UNC5C: variants seen among roughly 807,000 people sequenced by gnomAD.
UNC5C encodes the protein netrin receptor UNC5C.
In UNC5C, 47 loss-of-function variants were observed where a neutral mutation model predicts 99.8. The observed-to-expected ratio is 0.47, with a 90% CI of 0.37 to 0.60. The LOEUF (loss-of-function observed/expected upper bound fraction) is 0.60, where lower values mean the gene tolerates loss of function less well. Among genes scored for constraint, UNC5C ranks in the 20% least tolerant of loss-of-function variants. The pLI, the probability that UNC5C is intolerant of heterozygous loss-of-function variation, is 0.00. For synonymous variants in UNC5C, 487 were observed against 452.2 expected (o/e 1.08, Z -0.98); for missense variants, 1,062 against 1,165.9 (o/e 0.91, Z 1.30).
chr4:95,382,958 G>A (rs1745112799), intron 1 of UNC5C, among the ~76,000 whole-genome samples: 2 of 152,118 alleles, frequency 1.3e-5, no homozygotes, highest in Non-Finnish European at 2.9e-5. Context: ...TGGTTTTGGG[G>A]TATCAAAATC....
At position 95,263,681 on chromosome 4, in the gene UNC5C, C is replaced by T. The variant is rs1470815460; in HGVS notation, c.595-13014G>A. ...CATTCACTGAGTCTATGCTCTTCAG[C>T]AAGTCACATAAAATCACTCAACCTT... On this transcript the variant is annotated intron_variant, in intron 4 of 15. Transcript: ENST00000453304. Among the ~76,000 whole-genome samples the T allele has an allele frequency of 4.0e-4, 61 of 152,196 alleles. 1 individual carries two copies. Among genetic ancestry groups the T allele is most frequent in the Admixed American group, 3.9e-3 (59 of 15,278 alleles).
intron 1 of UNC5C, among the ~76,000 whole-genome samples, chr4:95,396,167 G>C (rs180763437): frequency 6.6e-6 from 1 of 152,308 alleles, no homozygotes; most frequent in African/African-American, 2.4e-5. Context: ...CAGGGGAAGA[G>C]AGAGATTCTG....
intron 12 of UNC5C, among the ~76,000 whole-genome samples, chr4:95,201,418 T>G (rs1004963205): frequency 2.6e-5 from 4 of 152,156 alleles, no homozygotes; most frequent in African/African-American, 9.7e-5. Context: ...GACTCACCTT[T>G]TCACTGAAGT....
At chr4:95,484,457 T>G (rs1403641333) in intron 1 of UNC5C, among the ~76,000 whole-genome samples, 1 of 151,742 alleles carries the variant, frequency 6.6e-6, no homozygotes, top group East Asian at 2.0e-4. Flanking sequence ...ACTGTGTAGA[T>G]GGGGTTGAGG....
chr4:95,548,892 G>T lies in UNC5C; in HGVS notation c.-35C>A, dbSNP rs1387997929. ...AGGTGTGCCGGGGGGAGGGGAGGGG[G>T]ACAGAGAGACGCGCAAACAGCTGAA... is the stretch of plus-strand genomic sequence containing the variant. On this transcript the variant is annotated 5_prime_UTR_variant, in exon 1 of 16. Coordinates refer to ENST00000453304, the MANE Select transcript of UNC5C (RefSeq NM_003728.4). The T allele has an allele frequency of 1.2e-6, 2 of 1,608,928 alleles. No homozygotes were observed. Among genetic ancestry groups the T allele is most frequent in the Admixed American group, 1.7e-5 (1 of 59,906 alleles).
At chr4:95,365,582 A>G (rs1744534753) in intron 1 of UNC5C, among the ~76,000 whole-genome samples, 1 of 151,928 alleles carries the variant, frequency 6.6e-6, no homozygotes, top group Admixed American at 6.6e-5. Flanking sequence ...ATATTTCATA[A>G]TGTTATTTCT....
intron 7 of UNC5C, among the ~76,000 whole-genome samples, chr4:95,238,926 TTC>T (rs1233799923): frequency 2.0e-5 from 3 of 152,194 alleles, no homozygotes; most frequent in Non-Finnish European, 4.4e-5. Flanking sequence ...TTTAACAATA[TTC>T]TGTTATTTCA....
chr4:95,472,929 G>C (rs1203499054), intron 1 of UNC5C, among the ~76,000 whole-genome samples: 1 of 151,334 alleles, frequency 6.6e-6, no homozygotes, highest in Non-Finnish European at 1.5e-5. Context: ...ATGTGTTCCT[G>C]TTCAACAAAG....
chr4:95,349,830 C>A (rs1743922061), intron 1 of UNC5C, among the ~76,000 whole-genome samples: 1 of 152,080 alleles, frequency 6.6e-6, no homozygotes, highest in Admixed American at 6.6e-5. Context: ...GCCCTAACGT[C>A]CTCATGTCTG....
chr4:95,420,502 A>G (rs1393738422), intron 1 of UNC5C, among the ~76,000 whole-genome samples: 1 of 152,304 alleles, frequency 6.6e-6, no homozygotes, highest in East Asian at 1.9e-4. Context: ...ACCTTATGCA[A>G]CTATGTTTTA....
intron 1 of UNC5C, among the ~76,000 whole-genome samples, chr4:95,509,009 A>C (rs1466935693): frequency 6.6e-6 from 1 of 151,906 alleles, no homozygotes; most frequent in Admixed American, 6.6e-5. Flanking sequence ...GCATTCCTAC[A>C]TAATGCTGAA....
intron 1 of UNC5C, among the ~76,000 whole-genome samples, chr4:95,392,785 C>T (rs1745399704): frequency 6.6e-6 from 1 of 151,914 alleles, no homozygotes; most frequent in African/African-American, 2.4e-5. Flanking sequence ...AATCTTATCA[C>T]TACAAAGTAT....
chr4:95,415,362 AAC>A (rs919733737), intron 1 of UNC5C, among the ~76,000 whole-genome samples: 26 of 152,186 alleles, frequency 1.7e-4, no homozygotes, highest in African/African-American at 5.5e-4. Context: ...TTAAAAAAAA[AAC>A]AAAACAAAAC....
chr4:95,441,067 T>C (rs1040587523), intron 1 of UNC5C, among the ~76,000 whole-genome samples: 6 of 152,180 alleles, frequency 3.9e-5, no homozygotes, highest in Non-Finnish European at 7.4e-5. Flanking sequence ...AGAGTCTATA[T>C]ACTATTGGAA....
At chr4:95,189,305 C>T (rs1189980535) in intron 12 of UNC5C, among the ~76,000 whole-genome samples, 1 of 152,152 alleles carries the variant, frequency 6.6e-6, no homozygotes, top group Non-Finnish European at 1.5e-5. Flanking sequence ...TATTTTTAGA[C>T]ACCTTCTTTC....
chr4:95,204,144 T>C (rs775578957), intron 11 of UNC5C, among the ~76,000 whole-genome samples: 26 of 152,216 alleles, frequency 1.7e-4, no homozygotes, highest in Non-Finnish European at 3.5e-4. Flanking sequence ...TCTAAAGAGA[T>C]GGGTTTTTAT....
chr4:95,328,329 T>C (rs1300558376), intron 2 of UNC5C, among the ~76,000 whole-genome samples: 6 of 95,168 alleles, frequency 6.3e-5, no homozygotes, highest in Non-Finnish European at 1.2e-4. Flanking sequence ...GGTTTTTTGC[T>C]CTTGCGATAG....
intron 1 of UNC5C, among the ~76,000 whole-genome samples, chr4:95,543,149 TC>T (rs1722959629): frequency 1.3e-5 from 2 of 151,812 alleles, no homozygotes; most frequent in South Asian, 4.1e-4. Flanking sequence ...CAATAACAAA[TC>T]CAAGTAAGAA....
At chr4:95,292,320 A>T (rs1741506068) in intron 3 of UNC5C, among the ~76,000 whole-genome samples, 1 of 148,364 alleles carries the variant, frequency 6.7e-6, no homozygotes, top group Non-Finnish European at 1.5e-5. Context: ...CCCAGGCTGG[A>T]GTGCAGTAGT....
Sources: allele counts gnomAD v4.1 joint callset (sites outside exome capture counted in the v4.1 genomes callset), GRCh38; gene constraint gnomAD v4.1.1; transcripts MANE v1.5; gene names NCBI Gene and HGNC (gene_info 2026-07-23, HGNC 2026-07-21).